Variants in RBFOX3 observed in about 807,000 individuals in gnomAD.
RBFOX3 encodes the protein RNA binding protein fox-1 homolog 3.
In RBFOX3, 17 loss-of-function variants were observed where a neutral mutation model predicts 48.7. That is an observed-to-expected ratio of 0.35 (90% CI 0.24 to 0.52). The LOEUF (loss-of-function observed/expected upper bound fraction) is 0.52, where lower values mean the gene tolerates loss of function less well. RBFOX3 is among the 20% of genes least tolerant of loss of function. The pLI is 0.94. For missense variants in RBFOX3, 382 were observed against 497.5 expected, an observed-to-expected ratio of 0.77 and a Z score of 2.21; for synonymous variants, 212 against 209.5, an observed-to-expected ratio of 1.01 and a Z score of -0.10.
intron 2 of RBFOX3, among the ~76,000 whole-genome samples, chr17:79,343,990 T>C (rs1253840703): frequency 6.6e-6 from 1 of 152,202 alleles, no homozygotes; most frequent in Non-Finnish European, 1.5e-5. Flanking sequence ...CAAGTGGGTA[T>C]GAGAGATGCC....
intron 2 of RBFOX3, among the ~76,000 whole-genome samples, chr17:79,308,063 T>C (rs1167084054): frequency 6.6e-6 from 1 of 152,070 alleles, no homozygotes; most frequent in East Asian, 1.9e-4. Flanking sequence ...CAGCCCTGGA[T>C]ATTGTAGGTG....
In RBFOX3 at chr17:79,090,823, G is replaced by A. The variant is rs2073732569; in HGVS notation, c.*60C>T. On this transcript the variant is annotated 3_prime_UTR_variant, in exon 15 of 15. Coordinates refer to ENST00000693108, the MANE Select transcript of RBFOX3 (RefSeq NM_001350451.2). ...TCTTTTTTTGTTTTTTTTGTTTTGTGATTTTTTTTGTTTTTTTGTTTTTGC... is the reference window on the plus strand; with the variant it reads ...TCTTTTTTTGTTTTTTTTGTTTTGTAATTTTTTTTGTTTTTTTGTTTTTGC... 3 of 1,471,978 alleles carry A rather than the reference G, an allele frequency of 2.0e-6. No homozygotes were observed. In the African/African-American group the frequency reaches 4.3e-5, roughly 21 times the overall value. 91.2% of individuals were successfully genotyped at this position (1,471,978 alleles called of 1,614,324 possible). A position where few individuals can be genotyped will look rare whatever the true frequency, so the allele number is the denominator to read the frequency against.
intron 2 of RBFOX3, among the ~76,000 whole-genome samples, chr17:79,396,076 G>A (rs1229899770): frequency 1.3e-5 from 2 of 152,198 alleles, no homozygotes; most frequent in Admixed American, 1.3e-4. Context: ...TCCTTCCCCA[G>A]AACTCTGAGC....
At chr17:79,455,092 G>A (rs567314720) in intron 2 of RBFOX3, among the ~76,000 whole-genome samples, 1 of 151,724 alleles carries the variant, frequency 6.6e-6, no homozygotes, top group Non-Finnish European at 1.5e-5. Context: ...GCTGGACAGC[G>A]TCCCCCTCCA....
intron 1 of RBFOX3, among the ~76,000 whole-genome samples, chr17:79,508,327 C>T (rs1372235155): frequency 2.0e-5 from 3 of 152,176 alleles, no homozygotes; most frequent in Non-Finnish European, 4.4e-5. Context: ...GCTGCCACCC[C>T]AGCCACATTG....
intron 4 of RBFOX3, among the ~76,000 whole-genome samples, chr17:79,177,273 G>A (rs1182615909): frequency 6.6e-6 from 1 of 152,030 alleles, no homozygotes; most frequent in African/African-American, 2.4e-5. Context: ...TTTGGGTTGT[G>A]TCCCCAGGAC....
intron 1 of RBFOX3, among the ~76,000 whole-genome samples, chr17:79,517,319 C>T (rs2085380390): frequency 6.6e-6 from 1 of 151,752 alleles, no homozygotes; most frequent in East Asian, 1.9e-4. Context: ...GTGGCAGGTG[C>T]CTATAATCCC....
intron 4 of RBFOX3, among the ~76,000 whole-genome samples, chr17:79,137,708 G>T (rs1162800618): frequency 6.6e-6 from 1 of 152,234 alleles, no homozygotes; most frequent in African/African-American, 2.4e-5. Flanking sequence ...TAGGCGCCTG[G>T]CTCATGGAAG....
rs1183202567 is a variant in RBFOX3 at position 79,421,890 on chromosome 17, C to G, written c.-175+60564G>C. ...GCTCATGGGTTCCAGGAACCCACGC[C>G]CCACCCCAAGCTGCCCGGTCCTCAG... On this transcript the variant is annotated intron_variant, in intron 2 of 14. Coordinates refer to ENST00000693108, the MANE Select transcript of RBFOX3 (RefSeq NM_001350451.2). This position sits in a 1 kb window ranked among gnomAD's most constrained non-coding sequence, Gnocchi z 4.5. Among the ~76,000 whole-genome samples, 16 of 152,084 alleles carry G rather than the reference C, an allele frequency of 1.1e-4. No individual in the cohort carries two copies. Among genetic ancestry groups the G allele is most frequent in the Admixed American group, 9.8e-4 (15 of 15,282 alleles).
chr17:79,386,194 C>G (rs1176687323), intron 2 of RBFOX3, among the ~76,000 whole-genome samples: 5 of 151,332 alleles, frequency 3.3e-5, no homozygotes, highest in African/African-American at 1.2e-4. Context: ...ATGGGGGTTC[C>G]AACACCTCCC....
intron 4 of RBFOX3, among the ~76,000 whole-genome samples, chr17:79,216,495 G>A (rs1393070769): frequency 6.6e-6 from 1 of 152,142 alleles, no homozygotes; most frequent in Non-Finnish European, 1.5e-5. Flanking sequence ...GGACCAGCAT[G>A]AGGCCAGGGG....
At chr17:79,150,080 T>TGGG (rs2044082212) in intron 4 of RBFOX3, among the ~76,000 whole-genome samples, 1 of 102,490 alleles carries the variant, frequency 9.8e-6, no homozygotes, top group African/African-American at 3.8e-5. Flanking sequence ...GGGTTTGGGG[T>TGGG]GGATCTAGTT....
chr17:79,524,676 G>T (rs941581827), intron 1 of RBFOX3, among the ~76,000 whole-genome samples: 24,889 of 152,110 alleles, frequency 0.16, 5,180 homozygotes, highest in African/African-American at 0.49. Flanking sequence ...AGATCCTGCT[G>T]CCCCCGGCCG....
At chr17:79,206,235 G>C (rs1257763236) in intron 4 of RBFOX3, among the ~76,000 whole-genome samples, 2 of 152,104 alleles carry the variant, frequency 1.3e-5, no homozygotes, top group Non-Finnish European at 2.9e-5. Context: ...CACAGAACTT[G>C]GTGGCCTCTT....
At chr17:79,229,799 G>C (rs1485359541) in intron 4 of RBFOX3, among the ~76,000 whole-genome samples, 2 of 152,076 alleles carry the variant, frequency 1.3e-5, no homozygotes, top group African/African-American at 2.4e-5. Context: ...GTCTTGCCTT[G>C]GCCACTTCCA....
At chr17:79,341,732 G>C (rs1478392325) in intron 2 of RBFOX3, among the ~76,000 whole-genome samples, 1 of 151,270 alleles carries the variant, frequency 6.6e-6, no homozygotes, top group African/African-American at 2.4e-5. Flanking sequence ...CCCTTTCTGA[G>C]TTCTGAGCTC....
At chr17:79,271,265 A>C (rs2067645153) in intron 3 of RBFOX3, among the ~76,000 whole-genome samples, 1 of 152,098 alleles carries the variant, frequency 6.6e-6, no homozygotes, top group Admixed American at 6.5e-5. Flanking sequence ...TAGTAGAGAC[A>C]GTGTTTCACC....
chr17:79,604,056 T>C (rs1196075803), intron 1 of RBFOX3: 6 of 152,398 alleles, frequency 3.9e-5, no homozygotes, highest in Middle Eastern at 6.8e-3. Context: ...GTAACTGACA[T>C]ACCGCCTTGC....
chr17:79,631,757 A>G, the RBFOX3 span, among the ~76,000 whole-genome samples: 1 of 152,164 alleles, frequency 6.6e-6, no homozygotes, highest in African/African-American at 2.4e-5. Flanking sequence ...GAAATGATGG[A>G]GACCCATCTT....
Sources: allele counts gnomAD v4.1 joint callset (sites outside exome capture counted in the v4.1 genomes callset), GRCh38; gene constraint gnomAD v4.1.1; non-coding constraint Gnocchi (gnomAD v3.1); transcripts MANE v1.5; gene names NCBI Gene and HGNC (gene_info 2026-07-23, HGNC 2026-07-21).